ADA: variants seen among roughly 807,000 people sequenced by gnomAD.
ADA encodes the protein adenosine aminohydrolase.
Under a neutral mutation model 49.0 loss-of-function variants are expected in ADA, and 45 were observed. That is an observed-to-expected ratio of 0.92 (90% CI 0.72 to 1.18). ADA has a LOEUF of 1.18. Among genes scored for constraint, ADA ranks in the 50% most tolerant of loss-of-function variants. The pLI, the probability that ADA is intolerant of heterozygous loss-of-function variation, is 0.00. For synonymous variants in ADA, 173 were observed against 184.2 expected, an observed-to-expected ratio of 0.94 and a Z score of 0.49; for missense variants, 445 against 472.5, an observed-to-expected ratio of 0.94 and a Z score of 0.54.
At chr20:44,647,071 T>C (rs1256877760) in intron 1 of ADA, among the ~76,000 whole-genome samples, 3 of 152,072 alleles carry the variant, frequency 2.0e-5, no homozygotes, top group Admixed American at 6.5e-5. Flanking sequence ...CATTCAAATA[T>C]GAGACAGAAA....
chr20:44,631,123 C>A (rs901952377), intron 2 of ADA, among the ~76,000 whole-genome samples: 1 of 152,200 alleles, frequency 6.6e-6, no homozygotes, highest in Admixed American at 6.5e-5. Flanking sequence ...GCTTCTGTTA[C>A]TAAAATATTA....
At chr20:44,645,569 C>T (rs2065582842) in intron 1 of ADA, among the ~76,000 whole-genome samples, 1 of 151,992 alleles carries the variant, frequency 6.6e-6, no homozygotes, top group Non-Finnish European at 1.5e-5. Flanking sequence ...TTGTAGTGAG[C>T]CGAGATTGCA....
At chr20:44,632,606 A>G (rs2065443733) in intron 2 of ADA, among the ~76,000 whole-genome samples, 1 of 152,134 alleles carries the variant, frequency 6.6e-6, no homozygotes, top group South Asian at 2.1e-4. Context: ...AGCAGGAAAG[A>G]GCTGTTCCTA....
At chr20:44,638,871 C>T (rs1452845202) in intron 1 of ADA, among the ~76,000 whole-genome samples, 1 of 152,172 alleles carries the variant, frequency 6.6e-6, no homozygotes, top group East Asian at 1.9e-4. Flanking sequence ...TAGCGAGGAA[C>T]CCACAACACA....
chr20:44,628,946 T>C (rs1399479845), intron 3 of ADA, 101 bp downstream of exon 3: 2 of 1,568,872 alleles, frequency 1.3e-6, no homozygotes, highest in East Asian at 4.5e-5. Context: ...CAGCTGTGGT[T>C]TCAGAGCAAC....
chr20:44,625,063 A>C (rs2065369277), intron 5 of ADA, among the ~76,000 whole-genome samples: 1 of 152,262 alleles, frequency 6.6e-6, no homozygotes, highest in Non-Finnish European at 1.5e-5. Flanking sequence ...GTGACAGTGC[A>C]CAACTGAGGT....
intron 1 of ADA, among the ~76,000 whole-genome samples, chr20:44,638,980 TTAAA>T (rs895484567): frequency 4.6e-5 from 7 of 151,736 alleles, no homozygotes; most frequent in African/African-American, 1.7e-4. Context: ...ATGAAATGGA[TTAAA>T]TAGAGGTTCA....
At position 44,625,635 on chromosome 20, in the gene ADA, G is replaced by A. The variant is rs1323402380; in HGVS notation, c.412C>T (p.Gln138Ter). The A allele has an allele frequency of 1.3e-6, 2 of 1,580,582 alleles. No individual in the cohort carries two copies. Among genetic ancestry groups the A allele is most frequent in the African/African-American group, 1.3e-5 (1 of 74,484 alleles). The change falls in exon 5 of 12, where the codon CAG becomes TAG. Residue 138 changes from glutamine (Q) to a stop codon, truncating the protein, a stop_gained. Transcript: ENST00000372874. LOFTEE classifies it high-confidence loss of function. ...ACCCCGAAGTCTCGCTCCCCCTCCT[G>A]CAGGCCCTGGCCCACTAGGGCCACC... is the stretch of plus-strand genomic sequence containing the variant. ...EVVALVGQGL[Q>*]EGERDFGVKA...
chr20:44,626,370 G>A, intron 4 of ADA, 86 bp downstream of exon 4: 1 of 1,591,028 alleles, frequency 6.3e-7, no homozygotes, highest in Non-Finnish European at 8.6e-7. Flanking sequence ...TTGGGTCAGG[G>A]ATTCCCAGCA....
chr20:44,620,422 G>T, intron 10 of ADA, 21 bp from the exon 11 acceptor site: 1 of 1,595,528 alleles, frequency 6.3e-7, no homozygotes, highest in Non-Finnish European at 8.6e-7. Context: ...CAGAATGGCA[G>T]ACAACATGGA....
At chr20:44,640,965 C>A (rs1161662703) in intron 1 of ADA, among the ~76,000 whole-genome samples, 1 of 151,850 alleles carries the variant, frequency 6.6e-6, no homozygotes, top group East Asian at 1.9e-4. Context: ...CTGATGATAT[C>A]TTGATGTTGG....
chr20:44,647,264 G>A (rs897420624), intron 1 of ADA, among the ~76,000 whole-genome samples: 3 of 151,718 alleles, frequency 2.0e-5, no homozygotes, highest in Non-Finnish European at 4.4e-5. Context: ...GAGAAACCCC[G>A]TCTCTACTAA....
At chr20:44,630,979 C>T (rs1473757451) in intron 2 of ADA, among the ~76,000 whole-genome samples, 1 of 152,098 alleles carries the variant, frequency 6.6e-6, no homozygotes. Context: ...CACCACTGCA[C>T]TCCAGCTTGG....
In ADA at chr20:44,619,806, AG is replaced by A. The variant is rs2065310178; in HGVS notation, c.*27del. ...CCCCACAGAGTTGGGGTGACTCCAC[AG>A]GGTGAAGGCTTGGAGGAGTGGCGTC... On this transcript the variant is annotated 3_prime_UTR_variant, in exon 12 of 12. Transcript: ENST00000372874. 6.2e-7 allele frequency: 1 copy of A among 1,614,032 alleles called. No homozygotes were observed. Among genetic ancestry groups the A allele is most frequent in the Non-Finnish European group, 8.5e-7 (1 of 1,179,990 alleles).
intron 8 of ADA, 42 bp downstream of exon 8, chr20:44,622,787 G>A (rs1274234906): frequency 2.5e-6 from 4 of 1,614,138 alleles, no homozygotes; most frequent in Non-Finnish European, 3.4e-6. Flanking sequence ...AGGAAGTTGG[G>A]ACAGCCGGGG....
At chr20:44,620,505 C>T (rs2065319273) in intron 10 of ADA, 104 bp from the exon 11 acceptor site, 12 of 958,396 alleles carry the variant, frequency 1.3e-5, no homozygotes, top group African/African-American at 4.8e-5. Flanking sequence ...TGGGCAGATA[C>T]GCTTAGAGGG....
intron 1 of ADA, among the ~76,000 whole-genome samples, chr20:44,646,416 A>G (rs1024042363): frequency 6.6e-5 from 10 of 151,994 alleles, no homozygotes; most frequent in Non-Finnish European, 1.5e-4. Context: ...CTGCAAGCCC[A>G]AAGAAGTGCA....
At chr20:44,620,151 T>A (rs2065314185) in intron 11 of ADA, 148 bp downstream of exon 11, 1 of 809,978 alleles carries the variant, frequency 1.2e-6, no homozygotes, top group Non-Finnish European at 2.1e-6. Context: ...AATGAGACGC[T>A]GCTCCCAGCC....
At chr20:44,647,428 C>T (rs1167524860) in intron 1 of ADA, among the ~76,000 whole-genome samples, 1 of 151,416 alleles carries the variant, frequency 6.6e-6, no homozygotes, top group South Asian at 2.1e-4. Context: ...AAGAGCGAAA[C>T]TCTGTCTAAA....
Sources: gnomAD v4.1 joint callset for allele counts (sites outside exome capture counted in the v4.1 genomes callset) on GRCh38, gnomAD v4.1.1 for gene constraint, MANE v1.5 for transcripts, NCBI Gene and HGNC (gene_info 2026-07-23, HGNC 2026-07-21) for gene names.